Variants in SUSD1 observed in about 807,000 individuals in gnomAD.
SUSD1 encodes the protein sushi domain containing 1.
A neutral mutation model predicts 86.9 loss-of-function variants in SUSD1; 65 were observed. The ratio of observed to expected loss-of-function variants is 0.75; its 90% CI spans 0.61 to 0.92. The LOEUF (loss-of-function observed/expected upper bound fraction) is 0.92, where lower values mean the gene tolerates loss of function less well. Among genes scored for constraint, SUSD1 ranks in the 40% least tolerant of loss-of-function variants. SUSD1 has a pLI of 0.00. For missense variants in SUSD1, 850 were observed against 929.7 expected (o/e 0.91, Z 1.11); for synonymous variants, 346 against 350.0 (o/e 0.99, Z 0.13).
At chr9:112,158,562 T>G (rs149931105) in intron 1 of SUSD1, among the ~76,000 whole-genome samples, 2 of 152,216 alleles carry the variant, frequency 1.3e-5, no homozygotes, top group Non-Finnish European at 2.9e-5. Context: ...CATCTAATTT[T>G]TGTATTTTCT....
In SUSD1 at chr9:112,078,649, G is replaced by A. The variant is rs538133433; in HGVS notation, c.1642C>T (p.Arg548Ter). 5.0e-5 allele frequency: 80 copies of A among 1,613,986 alleles called. No homozygotes were observed. Among genetic ancestry groups the A allele is most frequent in the Admixed American group, 2.0e-4 (12 of 59,996 alleles). ...EMTFNISSSS[R>*]DPEVCLDLRP... ...AGGTCCAAGCACACCTCGGGATCTCGGCTGCTGCTACTGATATTAAAGGTC... is the reference window on the plus strand; with the variant it reads ...AGGTCCAAGCACACCTCGGGATCTCAGCTGCTGCTACTGATATTAAAGGTC... The change falls in exon 12 of 17, where the codon CGA becomes TGA. Residue 548 changes from arginine to a stop codon, truncating the protein, a stop_gained. Transcript: ENST00000374270. LOFTEE classifies it high-confidence loss of function.
chr9:112,096,729 A>G (rs1830411173), intron 10 of SUSD1, among the ~76,000 whole-genome samples: 1 of 152,072 alleles, frequency 6.6e-6, no homozygotes, highest in Non-Finnish European at 1.5e-5. Context: ...TTATAGAGAC[A>G]GAGTTTCACT....
At chr9:112,080,044 C>T in intron 11 of SUSD1, 30 bp downstream of exon 11, 2 of 1,520,704 alleles carry the variant, frequency 1.3e-6, no homozygotes, top group Non-Finnish European at 1.8e-6. Flanking sequence ...AGACAACCAT[C>T]TATAAATACA....
chr9:112,156,779 C>T (rs149710788), intron 2 of SUSD1, among the ~76,000 whole-genome samples: 298 of 152,206 alleles, frequency 2.0e-3, no homozygotes, highest in African/African-American at 6.9e-3. Flanking sequence ...ACCATCTATC[C>T]ACAACTGTAA....
chr9:112,129,400 C>A (rs1194677601), intron 5 of SUSD1, among the ~76,000 whole-genome samples: 2 of 152,174 alleles, frequency 1.3e-5, no homozygotes, highest in Non-Finnish European at 2.9e-5. Flanking sequence ...GCAGCTTCAA[C>A]CTCCTAGGCA....
At chr9:112,141,697 A>C (rs75509034) in intron 5 of SUSD1, among the ~76,000 whole-genome samples, 2 of 146,004 alleles carry the variant, frequency 1.4e-5, no homozygotes, top group Non-Finnish European at 3.0e-5. Flanking sequence ...TATATATATA[A>C]AAAATATATA....
At chr9:112,131,223 C>T (rs1033850260) in intron 5 of SUSD1, among the ~76,000 whole-genome samples, 2 of 152,168 alleles carry the variant, frequency 1.3e-5, no homozygotes, top group South Asian at 2.1e-4. Flanking sequence ...AGTTTCACCA[C>T]GAAGGGCTCC....
chr9:112,067,714 G>A (rs1355017744), intron 12 of SUSD1, among the ~76,000 whole-genome samples: 1 of 152,150 alleles, frequency 6.6e-6, no homozygotes, highest in Non-Finnish European at 1.5e-5. Flanking sequence ...CTCCTTCAAA[G>A]TCTATCACTG....
chr9:112,105,265 A>G (rs148040909), intron 8 of SUSD1, among the ~76,000 whole-genome samples: 24 of 152,328 alleles, frequency 1.6e-4, no homozygotes, highest in African/African-American at 4.8e-4. Context: ...CATGGACGAT[A>G]AAAAGGAGAA....
chr9:112,120,144 A>C (rs191580346), intron 6 of SUSD1, among the ~76,000 whole-genome samples: 7 of 152,302 alleles, frequency 4.6e-5, no homozygotes, highest in African/African-American at 1.7e-4. Context: ...CTCTACAAAA[A>C]ACATTTTTAA....
intron 3 of SUSD1, among the ~76,000 whole-genome samples, chr9:112,144,493 AAAC>A (rs1832722945): frequency 1.3e-5 from 2 of 152,166 alleles, no homozygotes; most frequent in South Asian, 4.1e-4. Flanking sequence ...TTCAGATAGA[AAAC>A]AATTTACAGG....
In SUSD1 at chr9:112,100,265, C is replaced by A. The variant is rs147718153; in HGVS notation, c.1282-1603G>T. On this transcript the variant is annotated intron_variant, in intron 9 of 16. Coordinates refer to ENST00000374270, the MANE Select transcript of SUSD1 (RefSeq NM_022486.5). ...ACAGTGGTGCGATCTTGGCTCACTGCAAGCTCCACCTCCCAGGTTTACACC... is the reference window on the plus strand; with the variant it reads ...ACAGTGGTGCGATCTTGGCTCACTGAAAGCTCCACCTCCCAGGTTTACACC... Among the ~76,000 whole-genome samples, 320 of 152,246 alleles carry A rather than the reference C, an allele frequency of 2.1e-3. 1 individual carries two copies. Among genetic ancestry groups the A allele is most frequent in the African/African-American group, 7.3e-3 (304 of 41,546 alleles).
At chr9:112,145,874 A>T (rs529136531) in intron 3 of SUSD1, 1 of 152,242 alleles carries the variant, frequency 6.6e-6, no homozygotes, top group East Asian at 1.9e-4. Context: ...GGCAGTTCTA[A>T]GGGCCAGAAC....
intron 8 of SUSD1, among the ~76,000 whole-genome samples, chr9:112,109,684 A>G (rs1831008265): frequency 6.6e-6 from 1 of 152,216 alleles, no homozygotes; most frequent in African/African-American, 2.4e-5. Flanking sequence ...GGATATTAGT[A>G]AAAACAGCTG....
intron 2 of SUSD1, among the ~76,000 whole-genome samples, chr9:112,154,353 GA>G (rs1833201883): frequency 6.9e-6 from 1 of 145,854 alleles, no homozygotes; most frequent in Non-Finnish European, 1.5e-5. Flanking sequence ...AAAAAAAAAA[GA>G]GAGAGAAAAA....
At chr9:112,053,352 T>C (rs986789071) in intron 14 of SUSD1, among the ~76,000 whole-genome samples, 37 of 151,382 alleles carry the variant, frequency 2.4e-4, no homozygotes, top group African/African-American at 8.0e-4. Flanking sequence ...CCATCCCTAC[T>C]GAAAATATAA....
chr9:112,105,490 A>G (rs1040378297), intron 8 of SUSD1, among the ~76,000 whole-genome samples: 6 of 152,174 alleles, frequency 3.9e-5, no homozygotes, highest in African/African-American at 1.4e-4. Flanking sequence ...AGGCCAAGAC[A>G]GGTGGATCAC....
intron 5 of SUSD1, among the ~76,000 whole-genome samples, chr9:112,138,221 C>A (rs1398252495): frequency 0.011 from 53 of 4,746 alleles, 3 homozygotes; most frequent in African/African-American, 0.047. Context: ...GAGACTCCAT[C>A]TCAAAAAAAA....
At chr9:112,046,704 A>G (rs563613732) in intron 15 of SUSD1, among the ~76,000 whole-genome samples, 1 of 152,346 alleles carries the variant, frequency 6.6e-6, no homozygotes, top group Non-Finnish European at 1.5e-5. Context: ...AATGGTAAAT[A>G]ATAATAAAAA....
Sources: gnomAD v4.1 joint callset for allele counts (sites outside exome capture counted in the v4.1 genomes callset) on GRCh38, gnomAD v4.1.1 for gene constraint, MANE v1.5 for transcripts, NCBI Gene and HGNC (gene_info 2026-07-23, HGNC 2026-07-21) for gene names.